Variants in LPP observed in about 807,000 individuals in gnomAD.
LPP encodes the protein LIM domain containing preferred translocation partner in lipoma.
In LPP, 38 loss-of-function variants were observed where a neutral mutation model predicts 60.4. That is an observed-to-expected ratio of 0.63 (90% CI 0.49 to 0.83). LPP has a LOEUF of 0.83. Among genes scored for constraint, LPP ranks in the 40% least tolerant of loss-of-function variants. LPP has a pLI of 0.00. For missense variants in LPP, 902 were observed against 783.6 expected (o/e 1.15, Z -1.80); for synonymous variants, 328 against 290.8 (o/e 1.13, Z -1.30).
chr3:188,456,753 G>C (rs1235516722), intron 4 of LPP, among the ~76,000 whole-genome samples: 1 of 152,238 alleles, frequency 6.6e-6, no homozygotes, highest in East Asian at 1.9e-4. Flanking sequence ...GAAAACGCCT[G>C]TCGATTTTTA....
chr3:188,337,896 T>C lies in LPP; in HGVS notation c.-66-3767T>C, dbSNP rs565235050. Reference sequence around the variant, plus strand: ...GGCCTCTGGTTGGCCATGCTACTGATGTCACTCTTAAAGTACTTATCTTTA... The same window carrying C: ...GGCCTCTGGTTGGCCATGCTACTGACGTCACTCTTAAAGTACTTATCTTTA... On this transcript the variant is annotated intron_variant, in intron 2 of 11. Transcript: ENST00000617246. 2.7e-4 allele frequency among the ~76,000 whole-genome samples: 41 copies of C among 152,350 alleles called. No individual in the cohort carries two copies. In the South Asian group the frequency reaches 4.3e-3, roughly 16 times the overall value.
intron 3 of LPP, among the ~76,000 whole-genome samples, chr3:188,357,576 G>A (rs943981792): frequency 6.6e-6 from 1 of 152,156 alleles, no homozygotes; most frequent in East Asian, 1.9e-4. Context: ...AGGTTGGAGA[G>A]GGTTCATCCA....
At chr3:188,444,873 A>T (rs9290872) in intron 4 of LPP, among the ~76,000 whole-genome samples, 1 of 152,174 alleles carries the variant, frequency 6.6e-6, no homozygotes, top group East Asian at 1.9e-4. Flanking sequence ...GGCCAACCAA[A>T]ATATGGAAAA....
At chr3:188,171,585 A>T (rs1721601665) in intron 1 of LPP, among the ~76,000 whole-genome samples, 2 of 152,208 alleles carry the variant, frequency 1.3e-5, no homozygotes, top group African/African-American at 4.8e-5. Flanking sequence ...AATCTTTCCA[A>T]GAGATTAGCA....
intron 8 of LPP, among the ~76,000 whole-genome samples, chr3:188,753,573 T>TTG (rs1307749371): frequency 2.1e-4 from 25 of 118,316 alleles, no homozygotes; most frequent in African/African-American, 3.6e-4. Flanking sequence ...TTTTGGCTTG[T>TTG]TGTGTGCGTG....
At chr3:188,775,739 T>C (rs956349794) in intron 9 of LPP, among the ~76,000 whole-genome samples, 2 of 152,208 alleles carry the variant, frequency 1.3e-5, no homozygotes, top group African/African-American at 4.8e-5. Context: ...CACAGATCGA[T>C]AAACCCCACC....
At chr3:188,566,233 A>G (rs1832117614) in intron 6 of LPP, among the ~76,000 whole-genome samples, 2 of 151,990 alleles carry the variant, frequency 1.3e-5, no homozygotes, top group African/African-American at 4.8e-5. Flanking sequence ...TGCTGTTCCT[A>G]ATAACCATGT....
intron 6 of LPP, among the ~76,000 whole-genome samples, chr3:188,531,805 C>T (rs1560528310): frequency 6.6e-6 from 1 of 152,102 alleles, no homozygotes; most frequent in African/African-American, 2.4e-5. Context: ...AAGCATTTCC[C>T]TGAGTTTCAT....
At chr3:188,430,096 G>T (rs531930626) in intron 4 of LPP, among the ~76,000 whole-genome samples, 1 of 152,116 alleles carries the variant, frequency 6.6e-6, no homozygotes, top group African/African-American at 2.4e-5. Flanking sequence ...GATTGATTAG[G>T]ACAAATAGGG....
chr3:188,747,004 A>G (rs540661333), intron 8 of LPP, among the ~76,000 whole-genome samples: 2 of 152,320 alleles, frequency 1.3e-5, no homozygotes, highest in Admixed American at 6.5e-5. Flanking sequence ...AATTTATCTC[A>G]TAATAAAAAC....
At chr3:188,611,303 C>T (rs983722464) in intron 7 of LPP, among the ~76,000 whole-genome samples, 34 of 152,228 alleles carry the variant, frequency 2.2e-4, no homozygotes, top group African/African-American at 8.2e-4. Flanking sequence ...TTAAGTCTCT[C>T]TATGAAAAGA....
At chr3:188,660,188 G>A (rs1326454140) in intron 7 of LPP, among the ~76,000 whole-genome samples, 1 of 152,066 alleles carries the variant, frequency 6.6e-6, no homozygotes, top group Admixed American at 6.6e-5. Context: ...CTCCTGATGT[G>A]TGAAAATGCT....
chr3:188,363,729 A>AC (rs1415022530), intron 3 of LPP, among the ~76,000 whole-genome samples: 1 of 151,952 alleles, frequency 6.6e-6, no homozygotes, highest in Non-Finnish European at 1.5e-5. Flanking sequence ...ACATGGTGAA[A>AC]CCCCGTCTCT....
intron 7 of LPP, among the ~76,000 whole-genome samples, chr3:188,627,237 C>T: frequency 6.6e-6 from 1 of 152,098 alleles, no homozygotes. Context: ...ACTATACTAT[C>T]AAGTCTACAT....
chr3:188,577,321 C>T (rs887341200), intron 6 of LPP, among the ~76,000 whole-genome samples: 13 of 152,142 alleles, frequency 8.5e-5, no homozygotes, highest in African/African-American at 3.1e-4. Flanking sequence ...ACCCTAGTTA[C>T]TTCCATGCCT....
chr3:188,372,813 C>T (rs1280149450), intron 3 of LPP, among the ~76,000 whole-genome samples: 1 of 151,744 alleles, frequency 6.6e-6, no homozygotes, highest in South Asian at 2.1e-4. Flanking sequence ...CCCATTAACT[C>T]GTCATTTAGC....
At chr3:188,689,978 A>G (rs1416617250) in intron 7 of LPP, among the ~76,000 whole-genome samples, 4 of 152,140 alleles carry the variant, frequency 2.6e-5, no homozygotes, top group Non-Finnish European at 5.9e-5. Flanking sequence ...TTTAAGTTGA[A>G]TATCCTTCTC....
intron 4 of LPP, among the ~76,000 whole-genome samples, chr3:188,473,420 G>A (rs60551450): frequency 1.1e-4 from 16 of 152,140 alleles, no homozygotes; most frequent in Admixed American, 1.0e-3. Flanking sequence ...ATTTCAGAGA[G>A]AGAGTTGTTC....
chr3:188,863,313 T>G (rs1297885698), intron 9 of LPP, among the ~76,000 whole-genome samples: 1 of 152,154 alleles, frequency 6.6e-6, no homozygotes, highest in Admixed American at 6.6e-5. Flanking sequence ...AGAAGGATAA[T>G]TCATATTCTT....
Sources: gnomAD v4.1 joint callset for allele counts (sites outside exome capture counted in the v4.1 genomes callset) on GRCh38, gnomAD v4.1.1 for gene constraint, MANE v1.5 for transcripts, NCBI Gene and HGNC (gene_info 2026-07-23, HGNC 2026-07-21) for gene names.